The following LMBR1 variants were observed in gnomAD, a reference collection of about 807,000 sequenced individuals.
The protein encoded by LMBR1 is limb development membrane protein 1, also known as limb region 1 protein homolog.
In LMBR1, 52 loss-of-function variants were observed where a neutral mutation model predicts 73.9. That is an observed-to-expected ratio of 0.70 (90% confidence interval 0.56 to 0.89). The LOEUF (loss-of-function observed/expected upper bound fraction) is 0.89. Among genes scored for constraint, LMBR1 ranks in the 40% least tolerant of loss-of-function variants. The pLI is 0.00. For missense variants in LMBR1, 539 were observed against 579.8 expected (o/e 0.93, Z 0.72); for synonymous variants, 215 against 209.4 (o/e 1.03, Z -0.23).
intron 5 of LMBR1, among the ~76,000 whole-genome samples, chr7:156,780,679 G>A (rs373864690): frequency 6.7e-4 from 102 of 152,250 alleles, no homozygotes; most frequent in African/African-American, 2.3e-3. Flanking sequence ...TGCTTTATAC[G>A]TGCTTACTGA....
At chr7:156,805,146 G>A (rs914263406) in intron 4 of LMBR1, among the ~76,000 whole-genome samples, 2 of 150,232 alleles carry the variant, frequency 1.3e-5, no homozygotes, top group African/African-American at 4.9e-5. Context: ...GACAATATAT[G>A]TATGTATCTA....
intron 1 of LMBR1, among the ~76,000 whole-genome samples, chr7:156,874,318 C>T (rs372531570): frequency 1.3e-5 from 2 of 152,234 alleles, no homozygotes; most frequent in Non-Finnish European, 2.9e-5. Flanking sequence ...ACCAAGCCCA[C>T]GCCCACCCGG....
At chr7:156,671,092 G>C (rs1802388962) in intron 4 of LMBR1, among the ~76,000 whole-genome samples, 1 of 152,126 alleles carries the variant, frequency 6.6e-6, no homozygotes, top group Non-Finnish European at 1.5e-5. Flanking sequence ...GCACTTCTAG[G>C]GCAATAGCTA....
At chr7:156,841,905 G>T (rs1031065736) in intron 1 of LMBR1, among the ~76,000 whole-genome samples, 1 of 152,072 alleles carries the variant, frequency 6.6e-6, no homozygotes, top group African/African-American at 2.4e-5. Flanking sequence ...ATGATTATAT[G>T]AATAATCCAG....
chr7:156,850,277 C>T (rs1796060966), intron 1 of LMBR1, among the ~76,000 whole-genome samples: 1 of 152,190 alleles, frequency 6.6e-6, no homozygotes, highest in African/African-American at 2.4e-5. Flanking sequence ...AGGCCCTTGC[C>T]AGATGCCAGC....
intron 5 of LMBR1, among the ~76,000 whole-genome samples, chr7:156,770,731 T>C (rs114671826): frequency 0.024 from 3,608 of 152,046 alleles, 137 homozygotes; most frequent in African/African-American, 0.083. Flanking sequence ...CTGGGCAACA[T>C]AGCAAGACCT....
At chr7:156,760,190 CGAA>C (rs972892473) in intron 8 of LMBR1, among the ~76,000 whole-genome samples, 25 of 151,918 alleles carry the variant, frequency 1.6e-4, no homozygotes, top group African/African-American at 3.9e-4. Context: ...AATGGAGAAT[CGAA>C]GAAGAAGAGA....
Position 156,684,142 on chromosome 7 carries a change from G to C in LMBR1, c.1409C>G (p.Pro470Arg), listed in dbSNP as rs1805512678. The stretch of plus-strand genomic sequence containing the variant: ...TGTTTCTGAATCCCTTGAAGTATTT[G>C]GTAAGTGAAGTTTATGAAGCCCTGC... ...KALGLHKLHL[P>R]NTSRDSETAK... The change falls in exon 17 of 17, where the codon CCA becomes CGA. Residue 470 changes from proline (P) to arginine (R), a missense_variant. Pro to Arg is a moderately radical substitution (Grantham distance 103). Around this residue, in one of 3 missense-constraint regions of LMBR1, gnomAD observed 69 missense variants for 68.5 expected, o/e 1.01. Transcript: ENST00000353442. 5 of 1,613,776 alleles carry C rather than the reference G, an allele frequency of 3.1e-6. No homozygotes were observed. The Middle Eastern group carries it at 4.9e-4, about 160-fold the overall frequency.
chr7:156,740,681 C>G (rs1818717047), intron 9 of LMBR1, among the ~76,000 whole-genome samples: 1 of 152,140 alleles, frequency 6.6e-6, no homozygotes, highest in South Asian at 2.1e-4. Context: ...GAAATAAAGA[C>G]TTTCCCAGAC....
intron 1 of LMBR1, chr7:156,872,244 ATAAAT>A (rs776389565): frequency 6.6e-6 from 1 of 152,172 alleles, no homozygotes; most frequent in Non-Finnish European, 1.5e-5. Flanking sequence ...AAAAAAACTA[ATAAAT>A]TCAATAAAGT....
intron 1 of LMBR1, among the ~76,000 whole-genome samples, chr7:156,890,878 A>G (rs1317673360): frequency 7.9e-5 from 12 of 152,190 alleles, no homozygotes; most frequent in Admixed American, 5.9e-4. Flanking sequence ...AAACATGTCC[A>G]CCAAAAGCTA....
chr7:156,847,004 G>A (rs748733595), intron 1 of LMBR1, among the ~76,000 whole-genome samples: 40 of 151,972 alleles, frequency 2.6e-4, no homozygotes, highest in Non-Finnish European at 5.6e-4. Flanking sequence ...GAAGAAAGAG[G>A]ACTGACACTA....
chr7:156,860,096 C>A (rs1190386114), intron 1 of LMBR1, among the ~76,000 whole-genome samples: 2 of 152,198 alleles, frequency 1.3e-5, no homozygotes, highest in African/African-American at 2.4e-5. Flanking sequence ...TGAATCAAGA[C>A]ATAGACCCTA....
chr7:156,824,278 T>C (rs1263626887), intron 4 of LMBR1, among the ~76,000 whole-genome samples: 1 of 152,108 alleles, frequency 6.6e-6, no homozygotes, highest in East Asian at 1.9e-4. Flanking sequence ...TTGTTCTTAA[T>C]ACACAGGGCC....
rs68193998 is a variant in LMBR1, at chr7:156,891,233, T to TACAC, written c.66+1691_66+1694dup. Among the ~76,000 whole-genome samples, 39 of 68,812 alleles carry TACAC rather than the reference T, an allele frequency of 5.7e-4. 1 individual carries two copies. The highest frequency in any genetic ancestry group is 6.6e-4 in the African/African-American group (11 of 16,574). 45.1% of individuals were successfully genotyped at this position (68,812 alleles called of 152,430 possible). On this transcript the variant is annotated intron_variant, in intron 1 of 16. Transcript: ENST00000353442. ...AAAAATATATATATATATATATATA[T>TACAC]ACACACACACACACACACACACACA...
chr7:156,712,983 T>C (rs1477964500), intron 15 of LMBR1, among the ~76,000 whole-genome samples: 1 of 152,106 alleles, frequency 6.6e-6, no homozygotes, highest in African/African-American at 2.4e-5. Flanking sequence ...TGCAACAAAA[T>C]TGCACTTGTA....
chr7:156,775,945 C>T (rs368118592), intron 5 of LMBR1, among the ~76,000 whole-genome samples: 9 of 151,884 alleles, frequency 5.9e-5, no homozygotes, highest in African/African-American at 1.2e-4. Context: ...GGGCGAATTA[C>T]TAAGCTTTGC....
chr7:156,849,981 C>G (rs1586217259), intron 1 of LMBR1, among the ~76,000 whole-genome samples: 1 of 152,084 alleles, frequency 6.6e-6, no homozygotes, highest in South Asian at 2.1e-4. Flanking sequence ...TGCTGTGAAC[C>G]TAAAATTTCT....
intron 6 of LMBR1, among the ~76,000 whole-genome samples, chr7:156,763,410 C>A (rs537509970): frequency 6.9e-6 from 1 of 145,516 alleles, no homozygotes; most frequent in South Asian, 2.2e-4. Flanking sequence ...AATGTCTCCA[C>A]GGAATTTGAA....
Sources: allele counts gnomAD v4.1 joint callset (sites outside exome capture counted in the v4.1 genomes callset), GRCh38; gene constraint gnomAD v4.1.1; regional missense constraint gnomAD v4.1.1; transcripts MANE v1.5; gene names NCBI Gene and HGNC (gene_info 2026-07-23, HGNC 2026-07-21).